Variants in DIPK1A observed in about 807,000 individuals in gnomAD.
DIPK1A encodes family with sequence similarity 69 member A.
Under a neutral mutation model 40.8 loss-of-function variants are expected in DIPK1A, and 27 were observed. The observed-to-expected ratio is 0.66, with a 90% confidence interval of 0.49 to 0.91. The LOEUF is 0.91. Among genes scored for constraint, DIPK1A ranks in the 40% least tolerant of loss-of-function variants. The probability of loss-of-function intolerance (pLI) is 0.00; values close to 1 mark genes in which losing one functional copy is unlikely to be tolerated. For missense variants in DIPK1A, 412 were observed against 505.7 expected, an observed-to-expected ratio of 0.81 and a Z score of 1.78; for synonymous variants, 166 against 171.3, an observed-to-expected ratio of 0.97 and a Z score of 0.24.
chr1:92,901,467 G>A (rs953925704), intron 1 of DIPK1A, among the ~76,000 whole-genome samples: 3 of 152,070 alleles, frequency 2.0e-5, no homozygotes, highest in African/African-American at 4.8e-5. Context: ...AGCAGCTTGG[G>A]CCCACGGAGC....
At chr1:92,901,762 G>T (rs2100822273) in intron 1 of DIPK1A, among the ~76,000 whole-genome samples, 1 of 152,232 alleles carries the variant, frequency 6.6e-6, no homozygotes, top group South Asian at 2.1e-4. Flanking sequence ...GCTGTTGTTT[G>T]GGCCCTGGGA....
At chr1:92,899,666 G>A (rs1649328835) in intron 1 of DIPK1A, among the ~76,000 whole-genome samples, 1 of 151,922 alleles carries the variant, frequency 6.6e-6, no homozygotes. Flanking sequence ...ATTGTCATTT[G>A]GTGGTATTTT....
At chr1:92,920,135 C>T (rs753653412) in intron 1 of DIPK1A, among the ~76,000 whole-genome samples, 5 of 152,168 alleles carry the variant, frequency 3.3e-5, no homozygotes, top group Non-Finnish European at 7.3e-5. Flanking sequence ...TAATTACCAT[C>T]TAATATGATA....
At chr1:92,850,108 C>A (rs1687765078) in intron 3 of DIPK1A, among the ~76,000 whole-genome samples, 1 of 151,472 alleles carries the variant, frequency 6.6e-6, no homozygotes, top group Non-Finnish European at 1.5e-5. Context: ...GTAGCTAGAA[C>A]CACAGGTGTG....
intron 1 of DIPK1A, chr1:92,931,978 T>C (rs983149145): frequency 4.5e-6 from 2 of 447,844 alleles, no homozygotes; most frequent in Admixed American, 2.8e-5. Flanking sequence ...TGCTAACAGA[T>C]AGACTGATAA....
chr1:92,889,117 T>TA (rs1307668135), intron 1 of DIPK1A, among the ~76,000 whole-genome samples: 1 of 152,250 alleles, frequency 6.6e-6, no homozygotes, highest in African/African-American at 2.4e-5. Flanking sequence ...CTAGGCTTTT[T>TA]ACTAATAGTT....
intron 1 of DIPK1A, among the ~76,000 whole-genome samples, chr1:92,890,480 G>A (rs1648813782): frequency 6.6e-6 from 1 of 152,000 alleles, no homozygotes; most frequent in South Asian, 2.1e-4. Context: ...ATCATGGTGA[G>A]GTATTTTCCT....
At chr1:92,833,754 T>A in intron 4 of DIPK1A, 1 of 960,252 alleles carries the variant, frequency 1.0e-6, no homozygotes, top group Non-Finnish European at 1.7e-6. Flanking sequence ...AAGGGCTGTC[T>A]AGCACCTCCA....
intron 1 of DIPK1A, among the ~76,000 whole-genome samples, chr1:92,895,546 T>G (rs1005252160): frequency 1.3e-4 from 20 of 152,048 alleles, no homozygotes; most frequent in African/African-American, 4.8e-4. Context: ...ACAGCCAATA[T>G]CATACTCAAT....
chr1:92,956,619 T>C (rs1651866271), intron 1 of DIPK1A, among the ~76,000 whole-genome samples: 1 of 152,202 alleles, frequency 6.6e-6, no homozygotes, highest in Non-Finnish European at 1.5e-5. Context: ...ACATTACTAC[T>C]ATTACCAATT....
chr1:92,873,202 T>A (rs1368331017), intron 2 of DIPK1A, among the ~76,000 whole-genome samples: 2 of 152,230 alleles, frequency 1.3e-5, no homozygotes, highest in Non-Finnish European at 2.9e-5. Context: ...AGTGTTCCCA[T>A]CCTTGGTTGG....
chr1:92,896,500 T>C (rs1042032027), intron 1 of DIPK1A, among the ~76,000 whole-genome samples: 4 of 151,778 alleles, frequency 2.6e-5, no homozygotes, highest in African/African-American at 4.8e-5. Context: ...ATACAAAAAT[T>C]AATTCAAGAT....
At chr1:92,959,094 T>C (rs1320844060) in intron 1 of DIPK1A, among the ~76,000 whole-genome samples, 1 of 152,114 alleles carries the variant, frequency 6.6e-6, no homozygotes, top group Admixed American at 6.5e-5. Context: ...GAGACTAGCC[T>C]GGGCAACACG....
chr1:92,853,701 G>A (rs1207927802), intron 2 of DIPK1A, among the ~76,000 whole-genome samples: 1 of 152,148 alleles, frequency 6.6e-6, no homozygotes, highest in Non-Finnish European at 1.5e-5. Context: ...TCTTTCAGTA[G>A]GCACCAAATG....
At chr1:92,914,701 G>A (rs1300860377) in intron 1 of DIPK1A, among the ~76,000 whole-genome samples, 1 of 151,656 alleles carries the variant, frequency 6.6e-6, no homozygotes, top group East Asian at 1.9e-4. Flanking sequence ...CCTAGGAGGC[G>A]GAGGTTGCAG....
At chr1:92,838,342 T>C (rs1687205577), downstream of DIPK1A, among the ~76,000 whole-genome samples, 1 of 152,246 alleles carries the variant, frequency 6.6e-6, no homozygotes, top group Non-Finnish European at 1.5e-5. Flanking sequence ...TACTGCGTTA[T>C]ATTTCTTTGT....
chr1:92,883,285 A>C (rs1265999371), intron 1 of DIPK1A, among the ~76,000 whole-genome samples: 5 of 152,234 alleles, frequency 3.3e-5, no homozygotes, highest in African/African-American at 1.2e-4. Context: ...CTAGCAATCT[A>C]TATATAAAAG....
At chr1:92,853,518 T>C (rs932138456) in intron 2 of DIPK1A, among the ~76,000 whole-genome samples, 1 of 152,142 alleles carries the variant, frequency 6.6e-6, no homozygotes, top group Non-Finnish European at 1.5e-5. Flanking sequence ...CAGCGGAGGC[T>C]TTGGGGAAGG....
intron 1 of DIPK1A, among the ~76,000 whole-genome samples, chr1:92,897,097 C>T (rs1415023831): frequency 5.9e-5 from 9 of 152,096 alleles, no homozygotes; most frequent in East Asian, 1.9e-4. Context: ...GTCAGTGTGG[C>T]GATTCCTCAG....
Sources: allele counts gnomAD v4.1 joint callset (sites outside exome capture counted in the v4.1 genomes callset), GRCh38; gene constraint gnomAD v4.1.1; transcripts MANE v1.5; gene names NCBI Gene and HGNC (gene_info 2026-07-23, HGNC 2026-07-21).